AGPAT4: variants seen among roughly 807,000 people sequenced by gnomAD.
AGPAT4 encodes 1-acyl-sn-glycerol-3-phosphate acyltransferase delta.
In AGPAT4, 15 loss-of-function variants were observed where a neutral mutation model predicts 48.0. That is an observed-to-expected ratio of 0.31 (90% CI 0.21 to 0.48). The LOEUF (loss-of-function observed/expected upper bound fraction) is 0.48, where lower values mean the gene tolerates loss of function less well. Among genes scored for constraint, AGPAT4 ranks in the 20% least tolerant of loss-of-function variants. AGPAT4 has a pLI of 0.99. For missense variants in AGPAT4, 314 were observed against 482.5 expected (o/e 0.65, Z 3.27); for synonymous variants, 178 against 198.7 (o/e 0.90, Z 0.88).
intron 2 of AGPAT4, among the ~76,000 whole-genome samples, chr6:161,190,174 G>A (rs1224263213): frequency 6.6e-5 from 10 of 152,272 alleles, no homozygotes; most frequent in Admixed American, 5.9e-4. Context: ...TGGCAGTGAC[G>A]CTCTGCTGCA....
intron 2 of AGPAT4, among the ~76,000 whole-genome samples, chr6:161,211,402 A>G (rs912185846): frequency 6.6e-6 from 1 of 152,160 alleles, no homozygotes; most frequent in African/African-American, 2.4e-5. Flanking sequence ...AAACAAGGTA[A>G]AAGGAATGAG....
chr6:161,269,669 A>T (rs989982623), intron 1 of AGPAT4, among the ~76,000 whole-genome samples: 3 of 152,006 alleles, frequency 2.0e-5, no homozygotes, highest in African/African-American at 7.2e-5. Context: ...TCATACCCCC[A>T]TGGTTTAGAG....
rs1273990951 is a variant in AGPAT4, at chr6:161,198,027, GT to G, written c.179-31611del. ...TTCTGTTTCCCCCAACTCTTCTTCA[GT>G]CTCTCATACTTCATTCTTCCCACTC... On this transcript the variant is annotated intron_variant, in intron 2 of 8. Coordinates refer to ENST00000320285, the MANE Select transcript of AGPAT4 (RefSeq NM_020133.3). The surrounding 1 kb of genome is among the most constrained non-coding windows in gnomAD (Gnocchi z 4.3). Among the ~76,000 whole-genome samples, 8 of 152,128 alleles carry G rather than the reference GT, an allele frequency of 5.3e-5. No individual in the cohort carries two copies. In the South Asian group the frequency reaches 6.2e-4, roughly 12 times the overall value.
At chr6:161,188,292 C>T (rs1465410125) in intron 2 of AGPAT4, among the ~76,000 whole-genome samples, 2 of 152,284 alleles carry the variant, frequency 1.3e-5, no homozygotes, top group Admixed American at 1.3e-4. Context: ...AATTTTGTCT[C>T]TCTTCTAGTA....
chr6:161,216,227 T>C lies in AGPAT4; in HGVS notation c.178+15809A>G, dbSNP rs2115022346. On this transcript the variant is annotated intron_variant, in intron 2 of 8. Coordinates refer to ENST00000320285, the MANE Select transcript of AGPAT4 (RefSeq NM_020133.3). The surrounding 1 kb of genome is among the most constrained non-coding windows in gnomAD (Gnocchi z 4.8). ...GTTCTGAACCCACGTTGGGGTTGGG[T>C]GGGAATAACTCAATGGATGACTGAA... Among the ~76,000 whole-genome samples the C allele has an allele frequency of 6.6e-6, 1 of 152,176 alleles. No homozygotes were observed. Among genetic ancestry groups the C allele is most frequent in the East Asian group, 1.9e-4 (1 of 5,162 alleles).
rs149974451 is a variant in AGPAT4, at chr6:161,264,193, A to G, written c.-90+9745T>C. 1.7e-3 allele frequency among the ~76,000 whole-genome samples: 256 copies of G among 152,260 alleles called. 1 individual carries two copies. Among genetic ancestry groups the G allele is most frequent in the African/African-American group, 3.9e-3 (162 of 41,546 alleles). ...TTGGAAAGTGACCTTCTTTCTCCCT[A>G]TATTTACTATCTCAGGGCGTCAAAG... On this transcript the variant is annotated intron_variant, in intron 1 of 8. Transcript: ENST00000320285. The surrounding 1 kb of genome is among the most constrained non-coding windows in gnomAD (Gnocchi z 6.8).
At position 161,255,562 on chromosome 6, in the gene AGPAT4, G is replaced by C. The variant is rs1259624781; in HGVS notation, c.-90+18376C>G. Reference sequence around the variant, plus strand: ...CACAAGAAAGAATAAATTAATTACTGATACATGCTACAACATGAATGAACC... The same window carrying C: ...CACAAGAAAGAATAAATTAATTACTCATACATGCTACAACATGAATGAACC... On this transcript the variant is annotated intron_variant, in intron 1 of 8. Coordinates refer to ENST00000320285, the MANE Select transcript of AGPAT4 (RefSeq NM_020133.3). This position sits in a 1 kb window ranked among gnomAD's most constrained non-coding sequence, Gnocchi z 4.7. 1.3e-5 allele frequency among the ~76,000 whole-genome samples: 2 copies of C among 152,136 alleles called. No individual in the cohort carries two copies. The highest frequency in any genetic ancestry group is 2.9e-5 in the Non-Finnish European group (2 of 68,036).
At chr6:161,193,691 G>C (rs1230462774) in intron 2 of AGPAT4, among the ~76,000 whole-genome samples, 1 of 152,126 alleles carries the variant, frequency 6.6e-6, no homozygotes, top group Non-Finnish European at 1.5e-5. Flanking sequence ...GCAGACTCTG[G>C]GCTTTGACGT....
At chr6:161,179,845 A>G (rs1377061804) in intron 2 of AGPAT4, among the ~76,000 whole-genome samples, 1 of 152,244 alleles carries the variant, frequency 6.6e-6, no homozygotes, top group Non-Finnish European at 1.5e-5. Context: ...TATACAAAAT[A>G]CATGTTAATC....
rs1562344057 is a variant in AGPAT4 at position 161,219,950 on chromosome 6, A to AGG, written c.178+12085_178+12086insCC. On this transcript the variant is annotated intron_variant, in intron 2 of 8. Coordinates refer to ENST00000320285, the MANE Select transcript of AGPAT4 (RefSeq NM_020133.3). This position sits in a 1 kb window ranked among gnomAD's most constrained non-coding sequence, Gnocchi z 4.9. ...GGCAGGCAGGCAGGCAGGCAGGCAGACAGACAGACAGACAGACAGGCAGGC... is the reference window on the plus strand; with the variant it reads ...GGCAGGCAGGCAGGCAGGCAGGCAGAGGCAGACAGACAGACAGACAGGCAGGC... 2.8e-4 allele frequency among the ~76,000 whole-genome samples: 26 copies of AGG among 91,710 alleles called. No individual in the cohort carries two copies. The highest frequency in any genetic ancestry group is 1.8e-3 in the South Asian group (4 of 2,168). The allele number at this position is 91,710 out of a possible 152,430, so 60.2% of individuals were successfully genotyped here.
chr6:161,194,566 ATGTGTATG>A (rs1266053076), intron 2 of AGPAT4, among the ~76,000 whole-genome samples: 4 of 146,510 alleles, frequency 2.7e-5, no homozygotes, highest in Non-Finnish European at 4.5e-5. Context: ...GCATGTGTGT[ATGTGTATG>A]TGTGTATATA....
At chr6:161,173,219 A>T (rs1191268091) in intron 2 of AGPAT4, among the ~76,000 whole-genome samples, 1 of 152,194 alleles carries the variant, frequency 6.6e-6, no homozygotes, top group African/African-American at 2.4e-5. Flanking sequence ...GAATCGCCAC[A>T]CTGTCTTCCA....
Position 161,156,878 on chromosome 6 carries a change from TGCAG to T in AGPAT4, c.349-2572_349-2569del, listed in dbSNP as rs1453196048. 9.9e-3 allele frequency among the ~76,000 whole-genome samples: 1,508 copies of T among 152,382 alleles called. 27 individuals are homozygous for T. The highest frequency in any genetic ancestry group is 0.034 in the African/African-American group (1,432 of 41,592). On this transcript the variant is annotated intron_variant, in intron 3 of 8. Transcript: ENST00000320285. Reference sequence around the variant, plus strand: ...CTGTGCCTTAAGGACATGCTCCTGCTGCAGTTAACTAGCCCAACCTATTCCTTTA... The same window carrying T: ...CTGTGCCTTAAGGACATGCTCCTGCTTTAACTAGCCCAACCTATTCCTTTA...
At position 161,143,778 on chromosome 6, in the gene AGPAT4, A is replaced by AT. The variant is rs1156246896; in HGVS notation, c.843+2745dup. On this transcript the variant is annotated intron_variant, in intron 7 of 8. Coordinates refer to ENST00000320285, the MANE Select transcript of AGPAT4 (RefSeq NM_020133.3). This position sits in a 1 kb window ranked among gnomAD's most constrained non-coding sequence, Gnocchi z 4.7. ...TGGTGCCTTTCCCATATTAAAGAGT[A>AT]TAACTGTGTCAGTGGTAGATGGCGA... 2.0e-5 allele frequency among the ~76,000 whole-genome samples: 3 copies of AT among 152,240 alleles called. No homozygotes were observed. Among genetic ancestry groups the AT allele is most frequent in the Admixed American group, 2.0e-4 (3 of 15,288 alleles).
At chr6:161,199,460 T>C (rs1212711937) in intron 2 of AGPAT4, among the ~76,000 whole-genome samples, 2 of 152,122 alleles carry the variant, frequency 1.3e-5, no homozygotes, top group Non-Finnish European at 2.9e-5. Context: ...CACACACACA[T>C]TGTTTCTTAA....
Position 161,219,924 on chromosome 6 carries a change from A to AGGC in AGPAT4, c.178+12109_178+12111dup, listed in dbSNP as rs1245073289. Reference sequence around the variant, plus strand: ...GCAGGCAGGCAGGCAGGCGGCAGGCAGGCAGGCAGGCAGGCAGGCAGGCAG... The same window carrying AGGC: ...GCAGGCAGGCAGGCAGGCGGCAGGCAGGCGGCAGGCAGGCAGGCAGGCAGGCAG... On this transcript the variant is annotated intron_variant, in intron 2 of 8. Transcript: ENST00000320285. This position sits in a 1 kb window ranked among gnomAD's most constrained non-coding sequence, Gnocchi z 4.9. Among the ~76,000 whole-genome samples, 161 of 121,574 alleles carry AGGC rather than the reference A, an allele frequency of 1.3e-3. 2 individuals are homozygous for AGGC. Among genetic ancestry groups the AGGC allele is most frequent in the East Asian group, 9.2e-3 (40 of 4,354 alleles). The allele number at this position is 121,574 out of a possible 152,430, so 79.8% of individuals were successfully genotyped here. A position where few individuals can be genotyped will look rare whatever the true frequency, so the allele number is the denominator to read the frequency against.
rs1375144242 is a variant in AGPAT4 at position 161,219,872 on chromosome 6, T to TAGATAGGCAGGC, written c.178+12163_178+12164insGCCTGCCTATCT. Among the ~76,000 whole-genome samples, 456 of 120,856 alleles carry TAGATAGGCAGGC rather than the reference T, an allele frequency of 3.8e-3. 5 individuals carry two copies. The highest frequency in any genetic ancestry group is 9.3e-3 in the Middle Eastern group (2 of 214). The allele number at this position is 120,856 out of a possible 152,430, so 79.3% of individuals were successfully genotyped here. On this transcript the variant is annotated intron_variant, in intron 2 of 8. Transcript: ENST00000320285. This position sits in a 1 kb window ranked among gnomAD's most constrained non-coding sequence, Gnocchi z 4.9. ...ATAGATAGATAGATAGATAGATAGA[T>TAGATAGGCAGGC]AGGCAGGCAGGCAGGCAGGCAGGCA...
intron 2 of AGPAT4, among the ~76,000 whole-genome samples, chr6:161,175,048 G>C (rs970076063): frequency 1.3e-5 from 2 of 152,176 alleles, no homozygotes; most frequent in African/African-American, 2.4e-5. Context: ...GATTCGGTTT[G>C]CCAGTATTTT....
intron 1 of AGPAT4, among the ~76,000 whole-genome samples, chr6:161,257,355 TA>T (rs1168651468): frequency 6.6e-6 from 1 of 152,138 alleles, no homozygotes; most frequent in African/African-American, 2.4e-5. Flanking sequence ...ATCCCACTCA[TA>T]GGCAATACCT....
Sources: gnomAD v4.1 joint callset for allele counts (sites outside exome capture counted in the v4.1 genomes callset) on GRCh38, gnomAD v4.1.1 for gene constraint, Gnocchi (gnomAD v3.1) non-coding constraint, MANE v1.5 for transcripts, NCBI Gene and HGNC (gene_info 2026-07-23, HGNC 2026-07-21) for gene names.